The following KCNC2 variants were observed in gnomAD, a reference collection of about 807,000 sequenced individuals.
The protein encoded by KCNC2 is voltage-gated potassium channel KCNC2.
KCNC2 carries 21 observed loss-of-function variants against 44.5 expected under a neutral mutation model. The ratio of observed to expected loss-of-function variants is 0.47; its 90% CI spans 0.33 to 0.68. The LOEUF is 0.68. KCNC2 is among the 30% of genes least tolerant of loss of function. The pLI is 0.01. For missense variants in KCNC2, 589 were observed against 826.2 expected (o/e 0.71, Z 3.52); for synonymous variants, 391 against 339.1 (o/e 1.15, Z -1.68).
intron 2 of KCNC2, among the ~76,000 whole-genome samples, chr12:75,149,203 C>CTGTG (rs139987500): frequency 1.3e-5 from 2 of 149,748 alleles, no homozygotes; most frequent in African/African-American, 4.9e-5. Context: ...GTATTTGTGT[C>CTGTG]TGTGTGTGTG....
chr12:75,087,553 G>A (rs964511887), intron 2 of KCNC2, among the ~76,000 whole-genome samples: 1 of 152,038 alleles, frequency 6.6e-6, no homozygotes, highest in Non-Finnish European at 1.5e-5. Context: ...ACTATTTTGA[G>A]AGTCGTGACC....
intron 2 of KCNC2, among the ~76,000 whole-genome samples, chr12:75,059,663 A>G (rs1224456142): frequency 6.6e-6 from 1 of 152,110 alleles, no homozygotes; most frequent in East Asian, 1.9e-4. Context: ...TTTATGTATG[A>G]CTAACAGGAC....
intron 2 of KCNC2, among the ~76,000 whole-genome samples, chr12:75,146,561 A>G (rs1890042629): frequency 6.6e-6 from 1 of 152,204 alleles, no homozygotes; most frequent in Admixed American, 6.5e-5. Context: ...TCTGAAATAG[A>G]TTTGTTTCAT....
At chr12:75,072,915 A>T (rs1484321025) in intron 2 of KCNC2, among the ~76,000 whole-genome samples, 1 of 152,206 alleles carries the variant, frequency 6.6e-6, no homozygotes, top group African/African-American at 2.4e-5. Context: ...TCTCTTGATA[A>T]GACAGTTTTC....
chr12:75,071,275 A>G (rs1883373591), intron 2 of KCNC2, among the ~76,000 whole-genome samples: 1 of 152,230 alleles, frequency 6.6e-6, no homozygotes, highest in Admixed American at 6.5e-5. Context: ...ATTAAAAAAA[A>G]CCCTACATGA....
At chr12:75,088,881 C>T (rs1885244984) in intron 2 of KCNC2, among the ~76,000 whole-genome samples, 1 of 151,790 alleles carries the variant, frequency 6.6e-6, no homozygotes, top group Admixed American at 6.6e-5. Context: ...TATAAAACAA[C>T]AGTGCTGAAT....
intron 2 of KCNC2, among the ~76,000 whole-genome samples, chr12:75,145,213 C>CA (rs5799212): frequency 3.0e-4 from 43 of 142,260 alleles, no homozygotes; most frequent in Admixed American, 9.2e-4. Context: ...GGATCCTCTC[C>CA]AAAAAAAAAA....
chr12:75,104,500 T>G (rs991677749), intron 2 of KCNC2, among the ~76,000 whole-genome samples: 9 of 151,968 alleles, frequency 5.9e-5, no homozygotes, highest in Non-Finnish European at 8.8e-5. Flanking sequence ...TACAGCACAT[T>G]TCCTCCCAAA....
chr12:75,167,482 A>G (rs1891536729), intron 2 of KCNC2, among the ~76,000 whole-genome samples: 1 of 151,398 alleles, frequency 6.6e-6, no homozygotes, highest in South Asian at 2.1e-4. Context: ...TCACTTATAG[A>G]TGTAATGCAT....
chr12:75,110,165 T>G (rs1264685890), intron 2 of KCNC2, among the ~76,000 whole-genome samples: 1 of 152,102 alleles, frequency 6.6e-6, no homozygotes, highest in East Asian at 1.9e-4. Context: ...AAGAAACACT[T>G]GAGCTACAGA....
chr12:75,049,393 T>C (rs1349170286), intron 3 of KCNC2, among the ~76,000 whole-genome samples: 7 of 152,136 alleles, frequency 4.6e-5, no homozygotes, highest in Admixed American at 3.3e-4. Context: ...ATGAAATTTA[T>C]CTAAGTTATG....
rs201552265 is a variant in KCNC2, at chr12:75,048,246, A to G, written c.1687T>C (p.Ser563Pro). The G allele has an allele frequency of 8.7e-6, 14 of 1,612,912 alleles. No individual in the cohort carries two copies. Among genetic ancestry groups the G allele is most frequent in the Admixed American group, 1.7e-5 (1 of 59,926 alleles). The change falls in exon 4 of 5, where the codon TCT (serine) becomes CCT (proline). Residue 563 changes from serine to proline, a missense_variant. This residue lies in a region of KCNC2 where 171 missense variants were observed against 182.4 expected (regional missense o/e 0.94). Coordinates refer to ENST00000549446, the MANE Select transcript of KCNC2 (RefSeq NM_139137.4). ...SPPERLPIRR[S>P]STRDKNRRGE... ...CTTCTGTTTTTGTCTCTGGTACTAG[A>G]GCGTCTGATGGGGAGCCTTTCTGGG...
chr12:75,065,786 T>C (rs960247071), intron 2 of KCNC2, among the ~76,000 whole-genome samples: 2 of 152,134 alleles, frequency 1.3e-5, no homozygotes, highest in Non-Finnish European at 2.9e-5. Flanking sequence ...TCAAACCCTA[T>C]CCCTGTTGTT....
At chr12:75,080,411 G>GAA (rs918517793) in intron 2 of KCNC2, among the ~76,000 whole-genome samples, 2 of 145,468 alleles carry the variant, frequency 1.4e-5, no homozygotes, top group Admixed American at 6.9e-5. Context: ...AAAAGAAGGA[G>GAA]AAAAAAAAAA....
intron 2 of KCNC2, among the ~76,000 whole-genome samples, chr12:75,151,673 T>C (rs1369319794): frequency 6.6e-6 from 1 of 151,704 alleles, no homozygotes; most frequent in East Asian, 1.9e-4. Context: ...GGAATTATCA[T>C]CTACTTATTT....
At chr12:75,208,610 C>T (rs1304271256) in intron 1 of KCNC2, among the ~76,000 whole-genome samples, 2 of 146,656 alleles carry the variant, frequency 1.4e-5, no homozygotes, top group Non-Finnish European at 3.0e-5. Flanking sequence ...GGATTCCACA[C>T]CCACCCTAGG....
At position 75,050,963 on chromosome 12, in the gene KCNC2, T is replaced by C. The variant is rs1881103570; in HGVS notation, c.1042A>G (p.Arg348Gly). 7 of 1,613,654 alleles carry C rather than the reference T, an allele frequency of 4.3e-6. No homozygotes were observed. Among genetic ancestry groups the C allele is most frequent in the South Asian group, 1.1e-5 (1 of 91,082 alleles). The part of the protein sequence containing the change: ...KAAKDVLGFL[R>G]VVRFVRILRI... ...AGGATCCTCACAAACCTTACCACCC[T>C]GAGGAAGCCAAGCACATCTTTAGCA... is the stretch of plus-strand genomic sequence containing the variant. The change falls in exon 3 of 5, where the codon AGG becomes GGG. Residue 348 changes from arginine to glycine, a missense_variant. By Grantham distance (125) the Arg-to-Gly change is moderately radical. Coordinates refer to ENST00000549446, the MANE Select transcript of KCNC2 (RefSeq NM_139137.4).
At chr12:75,145,418 G>C (rs1286315849) in intron 2 of KCNC2, among the ~76,000 whole-genome samples, 1 of 151,234 alleles carries the variant, frequency 6.6e-6, no homozygotes, top group East Asian at 1.9e-4. Flanking sequence ...TTACATGCTG[G>C]GTCTAAGCCA....
rs1880021059 is a variant in KCNC2 at position 75,042,463 on chromosome 12, C to T, written c.*642G>A. On this transcript the variant is annotated 3_prime_UTR_variant, in exon 5 of 5. Coordinates refer to ENST00000549446, the MANE Select transcript of KCNC2 (RefSeq NM_139137.4). ...AATCAAGAAATTAAACTATTTAAAA[C>T]ATATATTTCTTTCAAATAATAAGAA... 4.0e-6 allele frequency: 6 copies of T among 1,500,608 alleles called. No individual in the cohort carries two copies. Among genetic ancestry groups the T allele is most frequent in the Non-Finnish European group, 3.6e-6 (4 of 1,121,686 alleles). The allele number at this position is 1,500,608 out of a possible 1,614,324, so 93.0% of individuals were successfully genotyped here.
Sources: allele counts gnomAD v4.1 joint callset (sites outside exome capture counted in the v4.1 genomes callset), GRCh38; gene constraint gnomAD v4.1.1; regional missense constraint gnomAD v4.1.1; transcripts MANE v1.5; gene names NCBI Gene and HGNC (gene_info 2026-07-23, HGNC 2026-07-21).